The following POLA1 variants were observed in gnomAD, a reference collection of about 807,000 sequenced individuals.
POLA1 encodes the protein DNA polymerase alpha 1, catalytic subunit.
POLA1 carries 15 observed loss-of-function variants against 124.0 expected under a neutral mutation model. The observed-to-expected ratio is 0.12, with a 90% CI of 0.08 to 0.19. The LOEUF is 0.19. POLA1 is among the 10% of genes least tolerant of loss of function. The pLI is 1.00. For synonymous variants in POLA1, 408 were observed against 389.4 expected (o/e 1.05, Z -0.56); for missense variants, 886 against 1,103.4 (o/e 0.80, Z 2.79).
intron 31 of POLA1, among the ~76,000 whole-genome samples, chrX:24,823,432 C>T (rs371765148): frequency 2.9e-5 from 3 of 104,796 alleles, no homozygotes; most frequent in African/African-American, 7.1e-5. Context: ...GATGGAGTCT[C>T]GCTCTGTTGC....
intron 36 of POLA1, among the ~76,000 whole-genome samples, chrX:24,971,158 A>AAG (rs1281883164): frequency 8.9e-6 from 1 of 112,593 alleles, no homozygotes; most frequent in Non-Finnish European, 1.9e-5. Flanking sequence ...CCCTGGTCAC[A>AAG]AGAGGCAAAG....
chrX:24,948,121 T>A (rs1421771314), intron 36 of POLA1, among the ~76,000 whole-genome samples: 2 of 111,962 alleles, frequency 1.8e-5, no homozygotes, highest in East Asian at 5.6e-4. Context: ...TATTGTTGTT[T>A]TTATTATTAT....
At chrX:24,903,071 G>C (rs1443877024) in intron 35 of POLA1, among the ~76,000 whole-genome samples, 1 of 112,250 alleles carries the variant, frequency 8.9e-6, no homozygotes, top group Non-Finnish European at 1.9e-5. Context: ...TGAGGTAGCT[G>C]GTTGATGTTT....
At chrX:24,995,209 C>T (rs2048589345) in intron 36 of POLA1, among the ~76,000 whole-genome samples, 1 of 111,883 alleles carries the variant, frequency 8.9e-6, no homozygotes, top group Non-Finnish European at 1.9e-5. Context: ...GCCGCATACC[C>T]TGAGTTCACA....
intron 26 of POLA1, among the ~76,000 whole-genome samples, chrX:24,765,351 G>A: frequency 9.8e-6 from 1 of 101,864 alleles, no homozygotes. Context: ...AGGCTGAAGT[G>A]CAGTGGTGCT....
intron 34 of POLA1, among the ~76,000 whole-genome samples, chrX:24,845,505 A>C (rs2046464502): frequency 8.9e-6 from 1 of 112,285 alleles, no homozygotes. Flanking sequence ...AATATTTTCC[A>C]GATCAGAGCT....
At chrX:24,696,397 A>G (rs1489252651) in intron 1 of POLA1, among the ~76,000 whole-genome samples, 3 of 112,443 alleles carry the variant, frequency 2.7e-5, no homozygotes, top group African/African-American at 6.5e-5. Flanking sequence ...ACTTGATGCT[A>G]TAGCTCATAC....
At chrX:24,863,265 C>CT (rs1041218685) in intron 34 of POLA1, among the ~76,000 whole-genome samples, 1 of 107,919 alleles carries the variant, frequency 9.3e-6, no homozygotes, top group African/African-American at 3.4e-5. Context: ...TATGCCCCCC[C>CT]CCATCTTCCA....
intron 35 of POLA1, among the ~76,000 whole-genome samples, chrX:24,920,275 A>G (rs994786724): frequency 8.9e-6 from 1 of 111,901 alleles, no homozygotes; most frequent in Non-Finnish European, 1.9e-5. Flanking sequence ...CCCTAGCACA[A>G]CAATGGTACA....
chrX:24,732,695 C>G (rs948975004), intron 16 of POLA1, among the ~76,000 whole-genome samples: 5 of 94,942 alleles, frequency 5.3e-5, no homozygotes, highest in Non-Finnish European at 8.2e-5. Context: ...AGTCTGGAGT[C>G]TATTTGACAT....
chrX:24,718,551 A>G (rs775686673), intron 10 of POLA1, among the ~76,000 whole-genome samples: 4 of 112,293 alleles, frequency 3.6e-5, no homozygotes, highest in Admixed American at 9.4e-5. Flanking sequence ...ATAATGTAGG[A>G]CTTTGAAAGC....
intron 15 of POLA1, among the ~76,000 whole-genome samples, chrX:24,728,384 C>T (rs960744567): frequency 1.8e-5 from 2 of 111,874 alleles, no homozygotes; most frequent in African/African-American, 6.5e-5. Flanking sequence ...ACCATTAGCA[C>T]ACCTAATAAC....
intron 31 of POLA1, among the ~76,000 whole-genome samples, chrX:24,822,624 A>T (rs2046108563): frequency 8.9e-6 from 1 of 112,113 alleles, no homozygotes; most frequent in Admixed American, 9.4e-5. Context: ...TCTCCCCCCT[A>T]GGGTTACCCT....
chrX:24,884,561 T>G (rs761440333), intron 34 of POLA1, among the ~76,000 whole-genome samples: 1 of 112,329 alleles, frequency 8.9e-6, no homozygotes, highest in South Asian at 3.7e-4. Flanking sequence ...AAAATTGAAT[T>G]GAAGCAAAGC....
At chrX:24,721,070 A>G (rs1748468922) in intron 10 of POLA1, among the ~76,000 whole-genome samples, 1 of 112,983 alleles carries the variant, frequency 8.9e-6, no homozygotes, top group African/African-American at 3.2e-5. Context: ...TTTATGATAT[A>G]TGATGGTGTT....
At chrX:24,916,676 C>T (rs896414516) in intron 35 of POLA1, among the ~76,000 whole-genome samples, 1 of 111,390 alleles carries the variant, frequency 9.0e-6, no homozygotes, top group Non-Finnish European at 1.9e-5. Flanking sequence ...AGATGTATAG[C>T]GTGGGAAGGA....
At chrX:24,831,995 A>C (rs1048482036) in intron 32 of POLA1, among the ~76,000 whole-genome samples, 2 of 111,892 alleles carry the variant, frequency 1.8e-5, no homozygotes, top group African/African-American at 6.5e-5. Flanking sequence ...TATTCAAATT[A>C]CAGCCCAGTC....
intron 26 of POLA1, among the ~76,000 whole-genome samples, chrX:24,758,909 T>C (rs1932749700): frequency 9.0e-6 from 1 of 111,593 alleles, no homozygotes; most frequent in African/African-American, 3.3e-5. Context: ...CTCGATCTCC[T>C]TGGCCTCCCA....
intron 36 of POLA1, among the ~76,000 whole-genome samples, chrX:24,993,669 C>T (rs2048562288): frequency 8.9e-6 from 1 of 111,790 alleles, no homozygotes; most frequent in Admixed American, 9.4e-5. Context: ...ACTCCTTCCC[C>T]CCACCAGCCC....
Sources: gnomAD v4.1 joint callset for allele counts (sites outside exome capture counted in the v4.1 genomes callset) on GRCh38, gnomAD v4.1.1 for gene constraint, MANE v1.5 for transcripts, NCBI Gene and HGNC (gene_info 2026-07-23, HGNC 2026-07-21) for gene names.